CCAR1: variants seen among roughly 807,000 people sequenced by gnomAD.
CCAR1 encodes the protein cell division cycle and apoptosis regulator protein 1.
Under a neutral mutation model 163.8 loss-of-function variants are expected in CCAR1, and 78 were observed. The observed-to-expected ratio is 0.48, with a 90% confidence interval of 0.40 to 0.57. The LOEUF (loss-of-function observed/expected upper bound fraction) is 0.57. CCAR1 is among the 20% of genes least tolerant of loss of function. The pLI is 0.00. For missense variants in CCAR1, 1,019 were observed against 1,365.2 expected, an observed-to-expected ratio of 0.75 and a Z score of 4.00; for synonymous variants, 443 against 460.7, an observed-to-expected ratio of 0.96 and a Z score of 0.49.
chr10:68,730,578 T>C (rs535691658), intron 2 of CCAR1, among the ~76,000 whole-genome samples: 15 of 150,376 alleles, frequency 1.0e-4, no homozygotes, highest in African/African-American at 3.4e-4. Flanking sequence ...CCTTGTGATC[T>C]GCCCGCCTCA....
Position 68,776,756 on chromosome 10 carries a change from C to T in CCAR1, c.2650+3657C>T, listed in dbSNP as rs985888649. 4.6e-5 allele frequency among the ~76,000 whole-genome samples: 7 copies of T among 152,026 alleles called. No homozygotes were observed. The East Asian group carries it at 1.3e-3, about 29-fold the overall frequency. ...TAGAGATGGGGTCTCAGTATGTTGC[C>T]CAGGCTGGTCTTGACCTCCTTGGCT... On this transcript the variant is annotated intron_variant, in intron 19 of 24. Coordinates refer to ENST00000265872, the MANE Select transcript of CCAR1 (RefSeq NM_018237.4).
chr10:68,791,200 C>A lies in CCAR1; in HGVS notation c.3394-7C>A. ...AATGTATTTTTTCCTTCTCTATTGT[C>A]TTATAGGATAATGTAAAGAATGAAG... On this transcript the variant is annotated splice_polypyrimidine_tract_variant and splice_region_variant and intron_variant, in intron 24 of 24. Coordinates refer to ENST00000265872, the MANE Select transcript of CCAR1 (RefSeq NM_018237.4). 1 of 1,533,582 alleles carries A rather than the reference C, an allele frequency of 6.5e-7. No homozygotes were observed. Among genetic ancestry groups the A allele is most frequent in the South Asian group, 1.1e-5 (1 of 86,990 alleles). The allele number at this position is 1,533,582 out of a possible 1,614,324, so 95.0% of individuals were successfully genotyped here. A position where few individuals can be genotyped will look rare whatever the true frequency, so the allele number is the denominator to read the frequency against.
At chr10:68,777,167 C>T (rs1348194922) in intron 19 of CCAR1, among the ~76,000 whole-genome samples, 1 of 152,104 alleles carries the variant, frequency 6.6e-6, no homozygotes, top group Non-Finnish European at 1.5e-5. Flanking sequence ...AGAATCAGTC[C>T]ACTTCTTACG....
At chr10:68,729,784 A>C (rs570779365) in intron 2 of CCAR1, among the ~76,000 whole-genome samples, 2 of 151,576 alleles carry the variant, frequency 1.3e-5, no homozygotes, top group African/African-American at 4.8e-5. Context: ...TTTCTTTTTT[A>C]TAGTGGGGTC....
intron 6 of CCAR1, among the ~76,000 whole-genome samples, chr10:68,745,557 G>A (rs1440530273): frequency 2.0e-5 from 3 of 151,050 alleles, no homozygotes; most frequent in African/African-American, 7.3e-5. Flanking sequence ...TCTGCCTCCC[G>A]GGTTCAAACA....
chr10:68,787,895 C>T (rs750450814), intron 21 of CCAR1, 32 bp from the exon 22 acceptor site: 99 of 1,552,448 alleles, frequency 6.4e-5, no homozygotes, highest in Non-Finnish European at 8.4e-5. Context: ...GTATTTTCAT[C>T]TCTGTATTTT....
In CCAR1 at chr10:68,784,573, T is replaced by C. The variant is rs2133429974; in HGVS notation, c.2651-1563T>C. Among the ~76,000 whole-genome samples, 3 of 152,248 alleles carry C rather than the reference T, an allele frequency of 2.0e-5. No homozygotes were observed. In the South Asian group the frequency reaches 6.2e-4, roughly 32 times the overall value. ...TCAGATGCTATCAAACAGCATCACA[T>C]AGGGTCTCACTTTTCACCCAGGCTG... On this transcript the variant is annotated intron_variant, in intron 19 of 24. Transcript: ENST00000265872.
chr10:68,773,220 T>C (rs969775190), intron 19 of CCAR1, 121 bp downstream of exon 19: 4 of 531,206 alleles, frequency 7.5e-6, no homozygotes, highest in African/African-American at 2.0e-5. Context: ...AAGAGTAATA[T>C]ACTCTTCAGT....
chr10:68,765,618 C>G (rs950622612), intron 16 of CCAR1, among the ~76,000 whole-genome samples: 1 of 152,066 alleles, frequency 6.6e-6, no homozygotes, highest in African/African-American at 2.4e-5. Flanking sequence ...TATATAATCT[C>G]AATATAGATA....
intron 1 of CCAR1, among the ~76,000 whole-genome samples, chr10:68,722,182 G>A (rs1199281019): frequency 6.6e-6 from 1 of 152,166 alleles, no homozygotes; most frequent in Non-Finnish European, 1.5e-5. Context: ...TCGTTTAAAT[G>A]TGACAACTTG....
Position 68,766,114 on chromosome 10 carries a change from G to A in CCAR1, c.2298+35G>A, listed in dbSNP as rs773451002. 3.9e-6 allele frequency: 5 copies of A among 1,298,030 alleles called. No homozygotes were observed. The East Asian group carries it at 9.3e-5, about 24-fold the overall frequency. 80.4% of individuals were successfully genotyped at this position (1,298,030 alleles called of 1,614,324 possible). On this transcript the variant is annotated intron_variant, in intron 17 of 24. Coordinates refer to ENST00000265872, the MANE Select transcript of CCAR1 (RefSeq NM_018237.4). ...TAAGTTTGAAATAAGATCCATATAAGGTCCACACATTATGACTAGTTAATA... is the reference window on the plus strand; with the variant it reads ...TAAGTTTGAAATAAGATCCATATAAAGTCCACACATTATGACTAGTTAATA...
chr10:68,738,938 TAAATA>T (rs2056148574), intron 4 of CCAR1, among the ~76,000 whole-genome samples: 1 of 152,112 alleles, frequency 6.6e-6, no homozygotes, highest in East Asian at 1.9e-4. Flanking sequence ...AAAATTAAAA[TAAATA>T]AAATGTGGGA....
chr10:68,777,967 TC>T (rs1340702792), intron 19 of CCAR1, among the ~76,000 whole-genome samples: 4 of 152,082 alleles, frequency 2.6e-5, no homozygotes. Flanking sequence ...ATGCCTGTAA[TC>T]CCAGTACTTT....
intron 5 of CCAR1, among the ~76,000 whole-genome samples, chr10:68,741,742 GTGAT>G (rs1447078210): frequency 6.6e-6 from 1 of 152,180 alleles, no homozygotes; most frequent in Admixed American, 6.5e-5. Context: ...AATTAGGACA[GTGAT>G]TGCTTCATGT....
Position 68,756,885 on chromosome 10 carries a change from C to T in CCAR1, c.1836+402C>T, listed in dbSNP as rs1226863140. ...CTAGTCATGGATATTTGAAATTGGA[C>T]AACCACAAGTCTGAGAGATTTGAAA... On this transcript the variant is annotated intron_variant, in intron 14 of 24. Transcript: ENST00000265872. This position sits in a 1 kb window ranked among gnomAD's most constrained non-coding sequence, Gnocchi z 5.1. 2.0e-5 allele frequency among the ~76,000 whole-genome samples: 3 copies of T among 152,150 alleles called. No individual in the cohort carries two copies. Among genetic ancestry groups the T allele is most frequent in the Non-Finnish European group, 4.4e-5 (3 of 68,026 alleles).
At chr10:68,737,944 A>G in intron 4 of CCAR1, 55 bp downstream of exon 4, 1 of 1,168,862 alleles carries the variant, frequency 8.6e-7, no homozygotes. Context: ...ATTTGCTCCA[A>G]AGTTCAATTG....
Position 68,790,528 on chromosome 10 carries a change from GTTTTGTTTTGTCT to G in CCAR1, c.3393+619_3393+631del, listed in dbSNP as rs2056841216. On this transcript the variant is annotated intron_variant, in intron 24 of 24. Transcript: ENST00000265872. ...CACTTCACTTCTCTGTGTTTTTTTT[GTTTTGTTTTGTCT>G]TTTTGAGACAGGGTCTTGCACTTTT... is the stretch of plus-strand genomic sequence containing the variant. Among the ~76,000 whole-genome samples the G allele has an allele frequency of 2.0e-5, 3 of 151,048 alleles. No homozygotes were observed. The South Asian group carries it at 6.3e-4, about 31-fold the overall frequency.
chr10:68,724,031 G>T (rs1164744080), intron 2 of CCAR1, among the ~76,000 whole-genome samples: 2 of 151,888 alleles, frequency 1.3e-5, no homozygotes, highest in Non-Finnish European at 2.9e-5. Context: ...GGTGGTGCAT[G>T]CCTGTAATCC....
chr10:68,741,312 A>C (rs981440551), intron 5 of CCAR1, among the ~76,000 whole-genome samples: 1 of 152,122 alleles, frequency 6.6e-6, no homozygotes, highest in Non-Finnish European at 1.5e-5. Context: ...TTTCCACTTT[A>C]GCAGGGAAAG....
Sources: allele counts gnomAD v4.1 joint callset (sites outside exome capture counted in the v4.1 genomes callset), GRCh38; gene constraint gnomAD v4.1.1; non-coding constraint Gnocchi (gnomAD v3.1); transcripts MANE v1.5; gene names NCBI Gene and HGNC (gene_info 2026-07-23, HGNC 2026-07-21).